The following PPP1R12B variants were observed in gnomAD, a reference collection of about 807,000 sequenced individuals.
PPP1R12B encodes myosin phosphatase target subunit 2.
PPP1R12B carries 76 observed loss-of-function variants against 126.1 expected under a neutral mutation model. That is an observed-to-expected ratio of 0.60 (90% CI 0.50 to 0.73). PPP1R12B has a LOEUF of 0.73. Among genes scored for constraint, PPP1R12B ranks in the 30% least tolerant of loss-of-function variants. The pLI is 0.00. For synonymous variants in PPP1R12B, 356 were observed against 434.7 expected (o/e 0.82, Z 2.25); for missense variants, 1,052 against 1,205.1 (o/e 0.87, Z 1.88).
intron 1 of PPP1R12B, among the ~76,000 whole-genome samples, chr1:202,400,418 A>C (rs963463912): frequency 6.6e-6 from 1 of 152,194 alleles, no homozygotes; most frequent in Non-Finnish European, 1.5e-5. Flanking sequence ...AATATACTAC[A>C]ATAGGTAATG....
rs1292301462 is a variant in PPP1R12B at position 202,442,499 on chromosome 1, A to C, written c.1594A>C (p.Arg532=). The change falls in exon 12 of 24, where the codon AGG becomes CGG. Residue 532 remains arginine (R), a synonymous_variant. Coordinates refer to ENST00000608999, the MANE Select transcript of PPP1R12B (RefSeq NM_002481.4). ...RSGSYTRQLW[R]DEAKGNEIPQ... is the part of the protein sequence containing the mutation. Reference sequence around the variant, plus strand: ...TGGCTCCTATACCCGGCAGCTATGGAGGGATGAAGCAAAAGGAAATGAAAT... The same window carrying C: ...TGGCTCCTATACCCGGCAGCTATGGCGGGATGAAGCAAAAGGAAATGAAAT... The C allele has an allele frequency of 5.0e-6, 8 of 1,613,562 alleles. No individual in the cohort carries two copies. The South Asian group carries it at 8.8e-5, about 18-fold the overall frequency.
rs957722330 is a variant in PPP1R12B at position 202,590,417 on chromosome 1, A to G, written c.*9857A>G. ...AATCTGGTCTTCCCCCAACCCCAGG[A>G]GAGAGGGGACCTCAGCCCCTTTTGG... On this transcript the variant is annotated 3_prime_UTR_variant, in exon 24 of 24. Coordinates refer to ENST00000608999, the MANE Select transcript of PPP1R12B (RefSeq NM_002481.4). 6.6e-6 allele frequency: 1 copy of G among 151,378 alleles called. No individual in the cohort carries two copies. The highest frequency in any genetic ancestry group is 2.4e-5 in the African/African-American group (1 of 41,074). 9.4% of individuals were successfully genotyped at this position (151,378 alleles called of 1,614,324 possible).
chr1:202,483,684 T>C (rs1677705341), intron 13 of PPP1R12B, among the ~76,000 whole-genome samples: 1 of 152,214 alleles, frequency 6.6e-6, no homozygotes, highest in African/African-American at 2.4e-5. Flanking sequence ...GGCATACTGA[T>C]TCTTTGAAGA....
At chr1:202,430,862 C>T (rs781358477) in intron 7 of PPP1R12B, 52 bp downstream of exon 7, 2 of 1,559,618 alleles carry the variant, frequency 1.3e-6, no homozygotes, top group Non-Finnish European at 1.7e-6. Flanking sequence ...GTGTCAGTGA[C>T]ATACTTAACT....
chr1:202,384,134 G>A (rs753134525), intron 1 of PPP1R12B, among the ~76,000 whole-genome samples: 31 of 152,224 alleles, frequency 2.0e-4, no homozygotes, highest in African/African-American at 7.5e-4. Context: ...TTGGTACACA[G>A]TCTAGCAGTT....
chr1:202,541,363 T>G (rs1685115913), intron 18 of PPP1R12B, among the ~76,000 whole-genome samples: 1 of 152,184 alleles, frequency 6.6e-6, no homozygotes, highest in Non-Finnish European at 1.5e-5. Context: ...CAAAAGAATA[T>G]TGTTACGAAG....
intron 5 of PPP1R12B, among the ~76,000 whole-genome samples, chr1:202,427,673 C>G (rs1324205129): frequency 6.6e-6 from 1 of 152,148 alleles, no homozygotes; most frequent in African/African-American, 2.4e-5. Context: ...GAGACAGAGT[C>G]TCGCTCTGTT....
chr1:202,462,727 A>G (rs1674474152), intron 13 of PPP1R12B: 2 of 967,312 alleles, frequency 2.1e-6, no homozygotes, highest in Non-Finnish European at 2.5e-6. Context: ...TGATTTTCCC[A>G]TGTTAGAAAA....
chr1:202,364,405 T>C (rs1384917135), intron 1 of PPP1R12B, among the ~76,000 whole-genome samples: 13 of 152,082 alleles, frequency 8.5e-5, no homozygotes, highest in Admixed American at 8.5e-4. Flanking sequence ...ATTTGACTTA[T>C]TCATCTCTAT....
chr1:202,570,655 T>C (rs188384626), intron 23 of PPP1R12B, among the ~76,000 whole-genome samples: 1 of 152,332 alleles, frequency 6.6e-6, no homozygotes, highest in Admixed American at 6.5e-5. Context: ...AGAAGTATTC[T>C]CTCCCGCTTA....
In PPP1R12B at chr1:202,437,167, T is replaced by C. The variant is rs551730403; in HGVS notation, c.1255-654T>C. ...CAACATAGGGAGACCTTGTCTCTAC[T>C]AAAATTTAGAGAAAATTAACTGGGC... is the stretch of plus-strand genomic sequence containing the variant. On this transcript the variant is annotated intron_variant, in intron 9 of 23. Transcript: ENST00000608999. Among the ~76,000 whole-genome samples, 14 of 152,096 alleles carry C rather than the reference T, an allele frequency of 9.2e-5. No homozygotes were observed. In the East Asian group the frequency reaches 2.7e-3, roughly 29 times the overall value.
At chr1:202,488,192 A>G (rs1678407100) in intron 13 of PPP1R12B, among the ~76,000 whole-genome samples, 1 of 152,250 alleles carries the variant, frequency 6.6e-6, no homozygotes, top group Admixed American at 6.5e-5. Context: ...CAGGAGGGAC[A>G]GAATGGAACA....
intron 1 of PPP1R12B, among the ~76,000 whole-genome samples, chr1:202,368,478 G>A (rs1206737759): frequency 2.0e-5 from 3 of 152,040 alleles, no homozygotes; most frequent in African/African-American, 7.2e-5. Flanking sequence ...AAACTAGTCA[G>A]CCTCAGGTAT....
At position 202,493,412 on chromosome 1, in the gene PPP1R12B, C is replaced by T. The variant is rs1297461936; in HGVS notation, c.2145+95C>T. On this transcript the variant is annotated intron_variant, in intron 15 of 23. Coordinates refer to ENST00000608999, the MANE Select transcript of PPP1R12B (RefSeq NM_002481.4). ...CTGGTAGTTCAAAGGCTGTGTTCTACCTTGCAATGGACAACTCACTCAGTA... is the reference window on the plus strand; with the variant it reads ...CTGGTAGTTCAAAGGCTGTGTTCTATCTTGCAATGGACAACTCACTCAGTA... 9.2e-6 allele frequency: 12 copies of T among 1,307,302 alleles called. No homozygotes were observed. In the African/African-American group the frequency reaches 1.3e-4, roughly 15 times the overall value. 81.0% of individuals were successfully genotyped at this position (1,307,302 alleles called of 1,614,324 possible).
chr1:202,561,385 C>CTT (rs201561914), intron 19 of PPP1R12B, among the ~76,000 whole-genome samples: 6 of 138,450 alleles, frequency 4.3e-5, no homozygotes, highest in Non-Finnish European at 4.7e-5. Context: ...AGACTGCAGT[C>CTT]TTTTTTTTTT....
At chr1:202,462,873 G>C (rs540967076) in intron 13 of PPP1R12B, 5 of 985,308 alleles carry the variant, frequency 5.1e-6, no homozygotes, top group Non-Finnish European at 6.0e-6. Flanking sequence ...GTGTGTCTGA[G>C]ATAGCTTGAC....
chr1:202,487,031 A>C (rs1678233244), intron 13 of PPP1R12B, among the ~76,000 whole-genome samples: 1 of 152,204 alleles, frequency 6.6e-6, no homozygotes, highest in Non-Finnish European at 1.5e-5. Flanking sequence ...ATGTGGTAGG[A>C]ATTCTAAACT....
In PPP1R12B at chr1:202,416,880, C is replaced by A. The variant is rs759022335; in HGVS notation, c.385C>A (p.His129Asn). Residue 129 changes from histidine (H) to asparagine (N), a missense_variant, in exon 2 of 24, where the codon CAT becomes AAT. His to Asn is a moderately conservative substitution (Grantham distance 68). Transcript: ENST00000608999. ...AGACAACGAGGGCTGGACACCCCTT[C>A]ATGCAGCAGCTTCCTGTGGCTATCT... ...QQDNEGWTPLHAAASCGYLNI... is the reference protein window; with the variant it reads ...QQDNEGWTPLNAAASCGYLNI... 1.2e-6 allele frequency: 2 copies of A among 1,614,086 alleles called. No individual in the cohort carries two copies. Among genetic ancestry groups the A allele is most frequent in the South Asian group, 2.2e-5 (2 of 91,074 alleles).
rs1415478456 is a variant in PPP1R12B, at chr1:202,587,644, A to T, written c.*7084A>T. ...GCACACTGATGGTGGGGAGCCTCTTAAGAGCCTCTAATGTTCTCCCAAAAC... is the reference window on the plus strand; with the variant it reads ...GCACACTGATGGTGGGGAGCCTCTTTAGAGCCTCTAATGTTCTCCCAAAAC... On this transcript the variant is annotated 3_prime_UTR_variant, in exon 24 of 24. Coordinates refer to ENST00000608999, the MANE Select transcript of PPP1R12B (RefSeq NM_002481.4). The T allele has an allele frequency of 6.6e-6, 1 of 152,234 alleles. No individual in the cohort carries two copies. The highest frequency in any genetic ancestry group is 2.4e-5 in the African/African-American group (1 of 41,446). The allele number at this position is 152,234 out of a possible 1,614,324, so 9.4% of individuals were successfully genotyped here.
Sources: gnomAD v4.1 joint callset for allele counts (sites outside exome capture counted in the v4.1 genomes callset) on GRCh38, gnomAD v4.1.1 for gene constraint, MANE v1.5 for transcripts, NCBI Gene and HGNC (gene_info 2026-07-23, HGNC 2026-07-21) for gene names.